OTOP1: variants seen among roughly 807,000 people sequenced by gnomAD.
The protein encoded by OTOP1 is otopetrin 1, also known as proton channel OTOP1.
In OTOP1, 59 loss-of-function variants were observed where a neutral mutation model predicts 52.9. The ratio of observed to expected loss-of-function variants is 1.12; its 90% CI spans 0.91 to 1.39. OTOP1 has a LOEUF of 1.39. Among genes scored for constraint, OTOP1 ranks in the 40% most tolerant of loss-of-function variants. The pLI is 0.00. For missense variants in OTOP1, 761 were observed against 800.9 expected, an observed-to-expected ratio of 0.95 and a Z score of 0.60; for synonymous variants, 317 against 337.7, an observed-to-expected ratio of 0.94 and a Z score of 0.67.
chr4:4,193,938 A>G (rs552352756), intron 5 of OTOP1, among the ~76,000 whole-genome samples: 1 of 152,322 alleles, frequency 6.6e-6, no homozygotes, highest in South Asian at 2.1e-4. Flanking sequence ...CCGTAATCCC[A>G]GCACTTTGGG....
rs375899210 is a variant in OTOP1, at chr4:4,188,842, G to A, written c.1800C>T (p.His600=). 124 of 1,613,726 alleles carry A rather than the reference G, an allele frequency of 7.7e-5. No homozygotes were observed. Among genetic ancestry groups the A allele is most frequent in the Middle Eastern group, 4.9e-4 (3 of 6,078 alleles). The change falls in exon 6 of 6, where the codon CAC becomes CAT. Residue 600 remains histidine (H), a synonymous_variant. Transcript: ENST00000296358. ...AGACCTCAAAGAGGGAGGCAGCTGC[G>A]TGCATTCGATAGAAAATAGAAAAAG... ...AMPFSIFYRM[H]AAASLFEVYC... is the part of the protein sequence containing the mutation.
At position 4,226,453 on chromosome 4, in the gene OTOP1, T is replaced by C. The variant is rs1321476783; in HGVS notation, c.403+9A>G. 6.8e-7 allele frequency: 1 copy of C among 1,465,778 alleles called. No homozygotes were observed. Among genetic ancestry groups the C allele is most frequent in the Admixed American group, 2.3e-5 (1 of 43,658 alleles). 90.8% of individuals were successfully genotyped at this position (1,465,778 alleles called of 1,614,324 possible). ...GGCGGAGACCCGCTCGCCCGGCGCCTGGACTCACCGCGCAGCCAGCCGGCA... is the reference window on the plus strand; with the variant it reads ...GGCGGAGACCCGCTCGCCCGGCGCCCGGACTCACCGCGCAGCCAGCCGGCA... On this transcript the variant is annotated intron_variant, in intron 1 of 5. Coordinates refer to ENST00000296358, the MANE Select transcript of OTOP1 (RefSeq NM_177998.3).
At chr4:4,196,036 T>G (rs1716615414) in intron 5 of OTOP1, among the ~76,000 whole-genome samples, 1 of 152,222 alleles carries the variant, frequency 6.6e-6, no homozygotes, top group African/African-American at 2.4e-5. Flanking sequence ...AATTTTGTAC[T>G]TACAGTATTT....
In OTOP1 at chr4:4,226,850, C is replaced by T; in HGVS notation, c.15G>A (p.Leu5=). The part of the protein sequence containing the change: MLEG[L]GSPASPRAAA... ...CTGCCCGGGGCGAGGCGGGCGACCC[C>T]AGGCCCTCGAGCATCTTCGAGACAC... is the stretch of plus-strand genomic sequence containing the variant. Residue 5 remains leucine (L), a synonymous_variant, in exon 1 of 6, where the codon CTG becomes CTA. Coordinates refer to ENST00000296358, the MANE Select transcript of OTOP1 (RefSeq NM_177998.3). The T allele has an allele frequency of 7.5e-7, 1 of 1,338,494 alleles. No individual in the cohort carries two copies. Among genetic ancestry groups the T allele is most frequent in the Non-Finnish European group, 9.5e-7 (1 of 1,049,974 alleles). 82.9% of individuals were successfully genotyped at this position (1,338,494 alleles called of 1,614,324 possible).
rs1206057348 is a variant in OTOP1 at position 4,220,046 on chromosome 4, TATAC to T, written c.403+6412_403+6415del. ...GTATATACGTATATATGTATACATA[TATAC>T]ATATACGTGTATATACATATATATG... is the stretch of plus-strand genomic sequence containing the variant. On this transcript the variant is annotated intron_variant, in intron 1 of 5. Coordinates refer to ENST00000296358, the MANE Select transcript of OTOP1 (RefSeq NM_177998.3). Among the ~76,000 whole-genome samples, 372 of 60,956 alleles carry T rather than the reference TATAC, an allele frequency of 6.1e-3. 6 individuals carry two copies. The highest frequency in any genetic ancestry group is 0.031 in the African/African-American group (307 of 9,980). 40.0% of individuals were successfully genotyped at this position (60,956 alleles called of 152,430 possible).
chr4:4,224,265 T>G (rs1309657072), intron 1 of OTOP1, among the ~76,000 whole-genome samples: 1 of 151,470 alleles, frequency 6.6e-6, no homozygotes, highest in African/African-American at 2.4e-5. Flanking sequence ...GAGAATCGTT[T>G]GAACCCGGGA....
In OTOP1 at chr4:4,226,622, G is replaced by C. The variant is rs765830786; in HGVS notation, c.243C>G (p.Ala81=). 1.9e-6 allele frequency: 3 copies of C among 1,592,558 alleles called. No homozygotes were observed. The highest frequency in any genetic ancestry group is 2.6e-6 in the Non-Finnish European group (3 of 1,174,050). ...TCTTGCTCACGCCCGCGGCGTGCAC[G>C]GCCCAGGCCAGCAGCAGCAGCAGCC... The part of the protein sequence containing the change: ...VAGLLLLLAW[A]VHAAGVSKSD... Residue 81 remains alanine, a synonymous_variant, in exon 1 of 6, where the codon GCC becomes GCG. Coordinates refer to ENST00000296358, the MANE Select transcript of OTOP1 (RefSeq NM_177998.3).
Position 4,188,877 on chromosome 4 carries a change from G to C in OTOP1, c.1765C>G (p.Leu589Val), listed in dbSNP as rs879585365. Residue 589 changes from leucine to valine, a missense_variant, in exon 6 of 6, where the codon CTG becomes GTG. Physicochemically the swap from Leu to Val is conservative, Grantham distance 32. Transcript: ENST00000296358. Reference protein sequence around the residue: ...GFEPWIIVVNLAMPFSIFYRM... With the variant: ...GFEPWIIVVNVAMPFSIFYRM... ...TAGAAAATAGAAAAAGGCATGGCCA[G>C]GTTGACCACAATTATCCAGGGTTCA... is the stretch of plus-strand genomic sequence containing the variant. The C allele has an allele frequency of 1.6e-5, 26 of 1,613,862 alleles. No individual in the cohort carries two copies. The highest frequency in any genetic ancestry group is 1.9e-5 in the Non-Finnish European group (22 of 1,179,866).
At chr4:4,213,535 T>G (rs1388988547) in intron 1 of OTOP1, among the ~76,000 whole-genome samples, 1 of 152,246 alleles carries the variant, frequency 6.6e-6, no homozygotes, top group Non-Finnish European at 1.5e-5. Flanking sequence ...TTGTTTACAT[T>G]AAATACCTCA....
intron 1 of OTOP1, among the ~76,000 whole-genome samples, chr4:4,219,600 A>G (rs1166158157): frequency 1.3e-5 from 2 of 151,614 alleles, no homozygotes; most frequent in African/African-American, 2.4e-5. Flanking sequence ...GGTAGGCTGA[A>G]GCAGGAAAAT....
At chr4:4,225,857 G>A (rs1331248491) in intron 1 of OTOP1, among the ~76,000 whole-genome samples, 3 of 152,164 alleles carry the variant, frequency 2.0e-5, no homozygotes, top group African/African-American at 7.2e-5. Flanking sequence ...CTGGGGGCAT[G>A]TGGTCAGACC....
At chr4:4,205,369 G>A (rs2108800493) in intron 3 of OTOP1, among the ~76,000 whole-genome samples, 1 of 152,302 alleles carries the variant, frequency 6.6e-6, no homozygotes, top group South Asian at 2.1e-4. Context: ...GCCTCTCCCT[G>A]CGCCTGCCTG....
Position 4,212,908 on chromosome 4 carries a change from C to T in OTOP1, c.500G>A (p.Gly167Glu). Residue 167 changes from glycine to glutamate, a missense_variant, in exon 2 of 6, where the codon GGA (glycine) becomes GAA (glutamate). Around this residue, in one of 3 missense-constraint regions of OTOP1, gnomAD observed 632 missense variants for 619.5 expected, o/e 1.02. Transcript: ENST00000296358. Reference protein sequence around the residue: ...GFSECLSATEGVFPVTHSVHT... With the variant: ...GFSECLSATEEVFPVTHSVHT... ...CACTGAATGGGTGACTGGGAAAACT[C>T]CTTCAGTGGCTGATAAACATTCTGA... 1.4e-5 allele frequency: 22 copies of T among 1,614,092 alleles called. No homozygotes were observed. The highest frequency in any genetic ancestry group is 1.9e-5 in the Non-Finnish European group (22 of 1,179,978).
chr4:4,197,086 A>G, intron 5 of OTOP1, 80 bp downstream of exon 5: 1 of 1,398,492 alleles, frequency 7.2e-7, no homozygotes, highest in Non-Finnish European at 9.7e-7. Flanking sequence ...CATTTAACAA[A>G]TCTGCATGTG....
At chr4:4,218,938 A>G (rs1424614881) in intron 1 of OTOP1, among the ~76,000 whole-genome samples, 2 of 152,166 alleles carry the variant, frequency 1.3e-5, no homozygotes, top group East Asian at 3.9e-4. Context: ...CAAAAAAAAA[A>G]GAATGAAGTA....
At chr4:4,220,472 C>T (rs777375354) in intron 1 of OTOP1, among the ~76,000 whole-genome samples, 1 of 152,086 alleles carries the variant, frequency 6.6e-6, no homozygotes, top group Non-Finnish European at 1.5e-5. Context: ...GGCCAGCTGC[C>T]CATTTCCTAC....
At chr4:4,203,597 G>A (rs1716836813) in intron 3 of OTOP1, among the ~76,000 whole-genome samples, 1 of 152,220 alleles carries the variant, frequency 6.6e-6, no homozygotes, top group African/African-American at 2.4e-5. Context: ...GATCCATGGG[G>A]AATGCGGTCC....
At chr4:4,203,818 A>T (rs1315210586) in intron 3 of OTOP1, among the ~76,000 whole-genome samples, 1 of 152,220 alleles carries the variant, frequency 6.6e-6, no homozygotes, top group East Asian at 1.9e-4. Context: ...CACAGGAAGC[A>T]TGATTCTGGT....
At chr4:4,193,892 T>TA (rs1716566978) in intron 5 of OTOP1, among the ~76,000 whole-genome samples, 1 of 150,856 alleles carries the variant, frequency 6.6e-6, no homozygotes, top group African/African-American at 2.4e-5. Context: ...AACTTAGTTT[T>TA]AAAAAATATA....
Sources: allele counts gnomAD v4.1 joint callset (sites outside exome capture counted in the v4.1 genomes callset), GRCh38; gene constraint gnomAD v4.1.1; regional missense constraint gnomAD v4.1.1; transcripts MANE v1.5; gene names NCBI Gene and HGNC (gene_info 2026-07-23, HGNC 2026-07-21).